The following PACSIN1 variants were observed in gnomAD, a reference collection of about 807,000 sequenced individuals.
PACSIN1 encodes the protein protein kinase C and casein kinase substrate in neurons 1, also known as protein kinase C and casein kinase substrate in neurons protein 1.
A neutral mutation model predicts 59.5 loss-of-function variants in PACSIN1; 15 were observed. The observed-to-expected ratio is 0.25, with a 90% CI of 0.17 to 0.39. PACSIN1 has a LOEUF of 0.39. PACSIN1 is among the 10% of genes least tolerant of loss of function. The probability of loss-of-function intolerance (pLI) is 1.00; values close to 1 mark genes in which losing one functional copy is unlikely to be tolerated. For missense variants in PACSIN1, 420 were observed against 580.2 expected (o/e 0.72, Z 2.84); for synonymous variants, 210 against 220.6 (o/e 0.95, Z 0.42).
At chr6:34,499,560 G>C (rs1766994531) in intron 1 of PACSIN1, among the ~76,000 whole-genome samples, 1 of 152,108 alleles carries the variant, frequency 6.6e-6, no homozygotes, top group African/African-American at 2.4e-5. Flanking sequence ...TTGGGAGGCT[G>C]AGGCGGAAAG....
chr6:34,528,940 C>T (rs1410183849), intron 4 of PACSIN1, 63 bp downstream of exon 4: 1 of 1,317,464 alleles, frequency 7.6e-7, no homozygotes, highest in Non-Finnish European at 1.1e-6. Flanking sequence ...GGGTGCTGAT[C>T]CCAGGGAGGG....
At position 34,477,760 on chromosome 6, in the gene PACSIN1, G is replaced by A. The variant is rs750763540; in HGVS notation, c.-64+11490G>A. ...CACTTTATCCTTTGTTTGTTTGTTT[G>A]CTTTTTGAGACAGGGTCTCACTCTG... On this transcript the variant is annotated intron_variant, in intron 1 of 9. Transcript: ENST00000244458. Among the ~76,000 whole-genome samples the A allele has an allele frequency of 7.7e-4, 117 of 152,084 alleles. 3 individuals carry two copies. Among genetic ancestry groups the A allele is most frequent in the Non-Finnish European group, 2.9e-4 (20 of 68,012 alleles).
At chr6:34,485,504 T>C (rs1424872349) in intron 1 of PACSIN1, among the ~76,000 whole-genome samples, 7 of 152,068 alleles carry the variant, frequency 4.6e-5, no homozygotes, top group Non-Finnish European at 2.9e-5. Context: ...CCTGAGTTCT[T>C]GGGTGAACAG....
rs1767572591 is a variant in PACSIN1 at position 34,530,449 on chromosome 6, G to T, written c.910-11G>T. On this transcript the variant is annotated splice_polypyrimidine_tract_variant and intron_variant, in intron 7 of 9. Coordinates refer to ENST00000244458, the MANE Select transcript of PACSIN1 (RefSeq NM_020804.5). This position sits in a 1 kb window ranked among gnomAD's most constrained non-coding sequence, Gnocchi z 4.4. ...AGTCCCCCAGCCTGACTGCTCCACT[G>T]GCCCCACCAGGAGTGGAACCCAGAC... 1.3e-6 allele frequency: 2 copies of T among 1,597,012 alleles called. No individual in the cohort carries two copies. Among genetic ancestry groups the T allele is most frequent in the African/African-American group, 2.7e-5 (2 of 74,522 alleles).
chr6:34,531,694 G>A lies in PACSIN1; in HGVS notation c.1132G>A (p.Ala378Thr), dbSNP rs1386348550. 1.9e-6 allele frequency: 3 copies of A among 1,613,354 alleles called. No individual in the cohort carries two copies. The highest frequency in any genetic ancestry group is 2.5e-6 in the Non-Finnish European group (3 of 1,179,760). The change falls in exon 9 of 10, where the codon GCC becomes ACC. Residue 378 changes from alanine to threonine, a missense_variant. Ala to Thr is a moderately conservative substitution (Grantham distance 58, BLOSUM62 0). Transcript: ENST00000244458. The surrounding 1 kb of genome is among the most constrained non-coding windows in gnomAD (Gnocchi z 4.4). ...PFGGSETNGG[A>T]NPFEDDSKGV... ...TGGGGGCAGTGAGACCAACGGGGGC[G>A]CCAACCCCTTTGAGGACGACTCCAA...
intron 1 of PACSIN1, among the ~76,000 whole-genome samples, chr6:34,499,709 T>C (rs935735260): frequency 1.3e-5 from 2 of 151,812 alleles, no homozygotes; most frequent in Admixed American, 6.6e-5. Flanking sequence ...GGCAGGAGAA[T>C]TGCTTGAACC....
chr6:34,527,445 G>A lies in PACSIN1; in HGVS notation c.177G>A (p.Gln59=). ...RAKIEKAYGQ[Q]LTDWAKRWRQ... ...AGATCGAGAAGGCGTACGGGCAGCA[G>A]CTCACCGACTGGGCCAAGCGTTGGC... The change falls in exon 3 of 10, where the codon CAG becomes CAA. Residue 59 remains glutamine, a synonymous_variant. Coordinates refer to ENST00000244458, the MANE Select transcript of PACSIN1 (RefSeq NM_020804.5). 2.5e-6 allele frequency: 4 copies of A among 1,598,204 alleles called. No homozygotes were observed. Among genetic ancestry groups the A allele is most frequent in the Non-Finnish European group, 2.6e-6 (3 of 1,173,818 alleles).
rs34111587 is a variant in PACSIN1 at position 34,483,001 on chromosome 6, CTTTTTT to C, written c.-64+16746_-64+16751del. On this transcript the variant is annotated intron_variant, in intron 1 of 9. Coordinates refer to ENST00000244458, the MANE Select transcript of PACSIN1 (RefSeq NM_020804.5). ...TGCGCCCAGCCAACTCCATGTTTAACTTTTTTTTTTTTTTTTTTTTGAAACAAGGTC... is the reference window on the plus strand; with the variant it reads ...TGCGCCCAGCCAACTCCATGTTTAACTTTTTTTTTTTTTTGAAACAAGGTC... 2.1e-3 allele frequency among the ~76,000 whole-genome samples: 238 copies of C among 112,012 alleles called. No individual in the cohort carries two copies. In the Middle Eastern group the frequency reaches 0.028, roughly 13 times the overall value. 73.5% of individuals were successfully genotyped at this position (112,012 alleles called of 152,430 possible).
At position 34,528,294 on chromosome 6, in the gene PACSIN1, G is replaced by A. The variant is rs140644719; in HGVS notation, c.221-348G>A. Among the ~76,000 whole-genome samples the A allele has an allele frequency of 4.5e-4, 68 of 152,340 alleles. No individual in the cohort carries two copies. In the East Asian group the frequency reaches 9.1e-3, roughly 20 times the overall value. On this transcript the variant is annotated intron_variant, in intron 3 of 9. Coordinates refer to ENST00000244458, the MANE Select transcript of PACSIN1 (RefSeq NM_020804.5). ...CTGGAGCACCTACTGTGTGCTTGGC[G>A]CTGTGCTGGGCTTGTCAGAGCTCAC...
At chr6:34,494,741 C>T (rs541167123) in intron 1 of PACSIN1, among the ~76,000 whole-genome samples, 4 of 152,330 alleles carry the variant, frequency 2.6e-5, no homozygotes, top group African/African-American at 9.6e-5. Context: ...CCAGCCACAG[C>T]CTGCATTTCT....
At chr6:34,468,963 G>T (rs993516473) in intron 1 of PACSIN1, among the ~76,000 whole-genome samples, 34 of 152,154 alleles carry the variant, frequency 2.2e-4, no homozygotes, top group Non-Finnish European at 4.4e-5. Context: ...TTTTGCATTC[G>T]TCTCCCATTA....
intron 1 of PACSIN1, among the ~76,000 whole-genome samples, chr6:34,511,330 G>A (rs1487686172): frequency 6.6e-6 from 1 of 152,196 alleles, no homozygotes; most frequent in Non-Finnish European, 1.5e-5. Context: ...AGATTCTGAT[G>A]TGGGAAGTCT....
Position 34,528,719 on chromosome 6 carries a change from G to C in PACSIN1, c.298G>C (p.Glu100Gln). Residue 100 changes from glutamate to glutamine, a missense_variant, in exon 4 of 10, where the codon GAG becomes CAG. Transcript: ENST00000244458. ...AGACAAGGTGAGCGAGCTGCACCAG[G>C]AGGTGAAGAACAATCTGCTGAATGA... ...EADKVSELHQEVKNNLLNEDL... is the reference protein window; with the variant it reads ...EADKVSELHQQVKNNLLNEDL... 1 of 1,614,152 alleles carries C rather than the reference G, an allele frequency of 6.2e-7. No homozygotes were observed. Among genetic ancestry groups the C allele is most frequent in the Middle Eastern group, 1.7e-4 (1 of 6,060 alleles).
At chr6:34,528,325 C>T (rs962739607) in intron 3 of PACSIN1, among the ~76,000 whole-genome samples, 1 of 152,216 alleles carries the variant, frequency 6.6e-6, no homozygotes. Flanking sequence ...CTCACAGGGT[C>T]CAGGCTGCCC....
At position 34,473,219 on chromosome 6, in the gene PACSIN1, C is replaced by T. The variant is rs1026342343; in HGVS notation, c.-64+6949C>T. ...AGGAAAGGCTGGTCAGATCCAGAGACGGGGCGGGGGGCGGGGGGGTACATT... is the reference window on the plus strand; with the variant it reads ...AGGAAAGGCTGGTCAGATCCAGAGATGGGGCGGGGGGCGGGGGGGTACATT... On this transcript the variant is annotated intron_variant, in intron 1 of 9. Transcript: ENST00000244458. 7.2e-5 allele frequency among the ~76,000 whole-genome samples: 8 copies of T among 111,782 alleles called. No individual in the cohort carries two copies. The East Asian group carries it at 1.3e-3, about 18-fold the overall frequency. The allele number at this position is 111,782 out of a possible 152,430, so 73.3% of individuals were successfully genotyped here. A position where few individuals can be genotyped will look rare whatever the true frequency, so the allele number is the denominator to read the frequency against.
chr6:34,530,194 G>C lies in PACSIN1; in HGVS notation c.789-49G>C. ...TGGCCTCTCACCAAGGTTGAGGAGG[G>C]GCCATGTTGAATCTGTGCCCTCCAC... On this transcript the variant is annotated intron_variant, in intron 6 of 9. Coordinates refer to ENST00000244458, the MANE Select transcript of PACSIN1 (RefSeq NM_020804.5). This position sits in a 1 kb window ranked among gnomAD's most constrained non-coding sequence, Gnocchi z 4.4. The C allele has an allele frequency of 6.4e-7, 1 of 1,567,394 alleles. No individual in the cohort carries two copies. Among genetic ancestry groups the C allele is most frequent in the Non-Finnish European group, 8.7e-7 (1 of 1,151,714 alleles).
At chr6:34,494,410 A>G (rs1320276227) in intron 1 of PACSIN1, among the ~76,000 whole-genome samples, 2 of 152,114 alleles carry the variant, frequency 1.3e-5, no homozygotes, top group Admixed American at 6.5e-5. Flanking sequence ...ATTCTGATTC[A>G]GTAGGTCTGG....
intron 1 of PACSIN1, among the ~76,000 whole-genome samples, chr6:34,482,393 C>G (rs1766731983): frequency 6.6e-6 from 1 of 152,006 alleles, no homozygotes; most frequent in South Asian, 2.1e-4. Flanking sequence ...GCCTTGGCTT[C>G]TTTCACTTAG....
chr6:34,530,401 G>A lies in PACSIN1; in HGVS notation c.909+38G>A. The stretch of plus-strand genomic sequence containing the variant: ...GGGGATGGGAAGGGGAGCCTGAAGA[G>A]GCTGAAAGGTGCCTCAGGGCATAGT... On this transcript the variant is annotated intron_variant, in intron 7 of 9. Coordinates refer to ENST00000244458, the MANE Select transcript of PACSIN1 (RefSeq NM_020804.5). This position sits in a 1 kb window ranked among gnomAD's most constrained non-coding sequence, Gnocchi z 4.4. 3 of 1,608,030 alleles carry A rather than the reference G, an allele frequency of 1.9e-6. No homozygotes were observed. The highest frequency in any genetic ancestry group is 2.6e-6 in the Non-Finnish European group (3 of 1,175,554).
Sources: allele counts gnomAD v4.1 joint callset (sites outside exome capture counted in the v4.1 genomes callset), GRCh38; gene constraint gnomAD v4.1.1; non-coding constraint Gnocchi (gnomAD v3.1); transcripts MANE v1.5; gene names NCBI Gene and HGNC (gene_info 2026-07-23, HGNC 2026-07-21).